Variants in ESRRB observed in about 807,000 individuals in gnomAD.
ESRRB encodes the protein estrogen related receptor beta, also known as steroid hormone receptor ERR2.
In ESRRB, 16 loss-of-function variants were observed where a neutral mutation model predicts 46.0. The observed-to-expected ratio is 0.35, with a 90% CI of 0.24 to 0.53. ESRRB has a LOEUF of 0.53. Among genes scored for constraint, ESRRB ranks in the 20% least tolerant of loss-of-function variants. The pLI is 0.93. For missense variants in ESRRB, 488 were observed against 607.4 expected, an observed-to-expected ratio of 0.80 and a Z score of 2.07; for synonymous variants, 246 against 259.6, an observed-to-expected ratio of 0.95 and a Z score of 0.50.
At chr14:76,331,153 G>A (rs574295859) in intron 1 of ESRRB, among the ~76,000 whole-genome samples, 9 of 152,220 alleles carry the variant, frequency 5.9e-5, no homozygotes, top group Admixed American at 1.3e-4. Context: ...CCCAAATCCC[G>A]GCCATGTGAC....
At chr14:76,380,887 A>G (rs1013216764) in intron 1 of ESRRB, among the ~76,000 whole-genome samples, 1 of 152,236 alleles carries the variant, frequency 6.6e-6, no homozygotes, top group Non-Finnish European at 1.5e-5. Context: ...GGCTGGAACT[A>G]GCCAAATCTG....
chr14:76,474,559 G>A (rs991011496), intron 3 of ESRRB, among the ~76,000 whole-genome samples: 9 of 152,076 alleles, frequency 5.9e-5, no homozygotes, highest in South Asian at 2.1e-4. Context: ...TGCAATCACC[G>A]GCCATGTACT....
chr14:76,358,400 A>G (rs1026211398), intron 1 of ESRRB, among the ~76,000 whole-genome samples: 11 of 129,580 alleles, frequency 8.5e-5, no homozygotes, highest in Admixed American at 1.6e-4. Context: ...AGAAAGAAAG[A>G]AAGAAAGAAA....
intron 1 of ESRRB, among the ~76,000 whole-genome samples, chr14:76,354,715 T>A (rs373711073): frequency 2.2e-5 from 3 of 135,852 alleles, no homozygotes; most frequent in African/African-American, 7.7e-5. Flanking sequence ...GCTTTTTTTT[T>A]TTTTTTTTCT....
chr14:76,395,330 G>A (rs537805401), intron 1 of ESRRB, among the ~76,000 whole-genome samples: 1 of 152,284 alleles, frequency 6.6e-6, no homozygotes, highest in East Asian at 1.9e-4. Flanking sequence ...GTCACTTGAG[G>A]GTCTGGCAAT....
intron 1 of ESRRB, among the ~76,000 whole-genome samples, chr14:76,334,405 C>T (rs1046998251): frequency 1.1e-4 from 17 of 152,172 alleles, no homozygotes; most frequent in African/African-American, 3.6e-4. Context: ...GCCCAGTGTA[C>T]CCCTCCGTCT....
intron 1 of ESRRB, among the ~76,000 whole-genome samples, chr14:76,312,643 C>T (rs1436688560): frequency 6.6e-6 from 1 of 151,724 alleles, no homozygotes; most frequent in Non-Finnish European, 1.5e-5. Context: ...GTGTCTTATA[C>T]ATATAGCATT....
At chr14:76,458,808 T>G (rs1566909402) in intron 2 of ESRRB, among the ~76,000 whole-genome samples, 1 of 150,974 alleles carries the variant, frequency 6.6e-6, no homozygotes, top group Non-Finnish European at 1.5e-5. Context: ...CAGTCCTTAC[T>G]GTCCCATACC....
At chr14:76,494,409 C>CGATT (rs1462190185) in intron 6 of ESRRB, among the ~76,000 whole-genome samples, 1 of 150,984 alleles carries the variant, frequency 6.6e-6, no homozygotes, top group East Asian at 1.9e-4. Flanking sequence ...TGGGTTCAAG[C>CGATT]GATTCTCTTG....
At chr14:76,332,727 AT>A (rs368524314) in intron 1 of ESRRB, among the ~76,000 whole-genome samples, 1,063 of 23,428 alleles carry the variant, frequency 0.045, 78 homozygotes, top group Middle Eastern at 0.18. Flanking sequence ...TATTATATAT[AT>A]TTATATATTA....
intron 1 of ESRRB, among the ~76,000 whole-genome samples, chr14:76,397,869 G>T (rs926479262): frequency 6.6e-6 from 1 of 152,222 alleles, no homozygotes; most frequent in Non-Finnish European, 1.5e-5. Context: ...GTGGCAGGAG[G>T]TATGTGCATG....
chr14:76,327,075 G>T (rs1883938714), intron 1 of ESRRB, among the ~76,000 whole-genome samples: 1 of 152,252 alleles, frequency 6.6e-6, no homozygotes, highest in South Asian at 2.1e-4. Flanking sequence ...TCTCTTGGGG[G>T]CCTTCCTGGC....
chr14:76,446,393 G>C (rs1331562654), intron 2 of ESRRB, among the ~76,000 whole-genome samples: 3 of 144,778 alleles, frequency 2.1e-5, no homozygotes, highest in African/African-American at 5.1e-5. Context: ...TTTTGTTTTT[G>C]TTTTTGTCGC....
chr14:76,482,607 T>C lies in ESRRB; in HGVS notation c.698T>C (p.Ile233Thr), dbSNP rs749390559. Residue 233 changes from isoleucine (I) to threonine (T), a missense_variant, in exon 5 of 7, where the codon ATT (isoleucine) becomes ACT (threonine). By Grantham distance (89) the Ile-to-Thr change is moderately conservative. Transcript: ENST00000644823. The surrounding 1 kb of genome is among the most constrained non-coding windows in gnomAD (Gnocchi z 4.3). Reference sequence around the variant, plus strand: ...TCTTTGGTTGTTGCAGTGACCAAGATTGTCTCATACCTACTGGTGGCTGAG... The same window carrying C: ...TCTTTGGTTGTTGCAGTGACCAAGACTGTCTCATACCTACTGGTGGCTGAG... ...SPPAKKPLTK[I>T]VSYLLVAEPD... is the part of the protein sequence containing the mutation. 1.2e-6 allele frequency: 2 copies of C among 1,614,130 alleles called. No individual in the cohort carries two copies. Among genetic ancestry groups the C allele is most frequent in the Admixed American group, 1.7e-5 (1 of 60,020 alleles).
At chr14:76,489,672 T>A (rs1890149225) in intron 5 of ESRRB, among the ~76,000 whole-genome samples, 1 of 152,136 alleles carries the variant, frequency 6.6e-6, no homozygotes, top group African/African-American at 2.4e-5. Context: ...GCTCACAGGG[T>A]AAGGGTGGTC....
At chr14:76,427,151 C>G (rs533000422) in intron 1 of ESRRB, among the ~76,000 whole-genome samples, 1 of 152,290 alleles carries the variant, frequency 6.6e-6, no homozygotes, top group African/African-American at 2.4e-5. Context: ...GAAGAATGAC[C>G]TTGCTCAGCT....
intron 1 of ESRRB, among the ~76,000 whole-genome samples, chr14:76,314,256 T>G (rs950955358): frequency 6.6e-6 from 1 of 152,156 alleles, no homozygotes; most frequent in Non-Finnish European, 1.5e-5. Context: ...AAATGGCAAC[T>G]GTGGTGCAAG....
intron 1 of ESRRB, among the ~76,000 whole-genome samples, chr14:76,352,341 G>T (rs1298871275): frequency 2.0e-5 from 3 of 152,184 alleles, no homozygotes; most frequent in African/African-American, 7.2e-5. Flanking sequence ...ACCTGTTGGC[G>T]GCCACTGAGC....
chr14:76,359,836 C>T (rs1473473421), intron 1 of ESRRB, among the ~76,000 whole-genome samples: 26 of 152,024 alleles, frequency 1.7e-4, no homozygotes, highest in Admixed American at 1.5e-3. Context: ...GGAGGCAAGG[C>T]GATGTGACTC....
Sources: allele counts gnomAD v4.1 joint callset (sites outside exome capture counted in the v4.1 genomes callset), GRCh38; gene constraint gnomAD v4.1.1; non-coding constraint Gnocchi (gnomAD v3.1); transcripts MANE v1.5; gene names NCBI Gene and HGNC (gene_info 2026-07-23, HGNC 2026-07-21).